HMCN1: variants seen among roughly 807,000 people sequenced by gnomAD.
HMCN1 encodes hemicentin 1.
HMCN1 carries 321 observed loss-of-function variants against 625.9 expected under a neutral mutation model. The ratio of observed to expected loss-of-function variants is 0.51; its 90% CI spans 0.47 to 0.56. HMCN1 has a LOEUF of 0.56. Among genes scored for constraint, HMCN1 ranks in the 20% least tolerant of loss-of-function variants. HMCN1 has a pLI of 0.00. For missense variants in HMCN1, 6,588 were observed against 6,887.3 expected (o/e 0.96, Z 1.54); for synonymous variants, 2,425 against 2,417.6 (o/e 1.00, Z -0.09).
intron 1 of HMCN1, among the ~76,000 whole-genome samples, chr1:185,838,797 G>C (rs1182166979): frequency 6.6e-6 from 1 of 152,164 alleles, no homozygotes; most frequent in African/African-American, 2.4e-5. Context: ...TTGTAGCTGA[G>C]ATTCCTTTCT....
intron 1 of HMCN1, among the ~76,000 whole-genome samples, chr1:185,788,552 C>G (rs1442738592): frequency 6.6e-6 from 1 of 152,118 alleles, no homozygotes; most frequent in Non-Finnish European, 1.5e-5. Context: ...AAATTAGCCC[C>G]ATAGCCTAGA....
At chr1:186,151,177 A>G (rs751093039) in intron 93 of HMCN1, 23 bp from the exon 94 acceptor site, 10 of 1,612,688 alleles carry the variant, frequency 6.2e-6, no homozygotes, top group Non-Finnish European at 8.5e-6. Flanking sequence ...CTTATCCAGG[A>G]ATGTTTTTTT....
At chr1:186,172,667 G>C (rs1045676396) in intron 102 of HMCN1, among the ~76,000 whole-genome samples, 1 of 152,110 alleles carries the variant, frequency 6.6e-6, no homozygotes, top group African/African-American at 2.4e-5. Context: ...GTATGTCTAG[G>C]CTGTACCAGC....
chr1:185,896,382 A>G (rs915442202), intron 4 of HMCN1, among the ~76,000 whole-genome samples: 4 of 149,560 alleles, frequency 2.7e-5, no homozygotes, highest in Non-Finnish European at 5.9e-5. Flanking sequence ...TATGTATAGT[A>G]TAATAAACCT....
chr1:185,948,582 A>C (rs1037003473), intron 11 of HMCN1, among the ~76,000 whole-genome samples: 2 of 151,138 alleles, frequency 1.3e-5, no homozygotes, highest in Non-Finnish European at 2.9e-5. Context: ...GGCCATTTAC[A>C]CTTCTTTTGT....
intron 55 of HMCN1, among the ~76,000 whole-genome samples, chr1:186,078,798 T>C (rs1308113935): frequency 6.6e-6 from 1 of 152,226 alleles, no homozygotes; most frequent in African/African-American, 2.4e-5. Flanking sequence ...TGATAAGGTC[T>C]AGTTCATGTG....
At position 185,975,572 on chromosome 1, in the gene HMCN1, A is replaced by G. The variant is rs1651146471; in HGVS notation, c.2372-2215A>G. ...ATTGGGGATTACGATTCAACATGAG[A>G]TTTGGGCAGGGACACAGATCCAAAC... On this transcript the variant is annotated intron_variant, in intron 15 of 106. Transcript: ENST00000271588. Among the ~76,000 whole-genome samples the G allele has an allele frequency of 1.3e-5, 2 of 152,134 alleles. 1 individual carries two copies. Among genetic ancestry groups the G allele is most frequent in the South Asian group, 4.1e-4 (2 of 4,834 alleles).
At chr1:186,061,298 C>T (rs1021547972) in intron 46 of HMCN1, among the ~76,000 whole-genome samples, 5 of 152,170 alleles carry the variant, frequency 3.3e-5, no homozygotes, top group South Asian at 4.1e-4. Flanking sequence ...CTTCACAAGG[C>T]GGCAGAAGAG....
intron 97 of HMCN1, among the ~76,000 whole-genome samples, chr1:186,160,541 T>TTCTC (rs1651386913): frequency 6.6e-6 from 1 of 151,924 alleles, no homozygotes; most frequent in African/African-American, 2.4e-5. Context: ...CTTTCCTGCT[T>TTCTC]TCTCTTGTGG....
At chr1:185,778,429 G>A (rs1656781288) in intron 1 of HMCN1, among the ~76,000 whole-genome samples, 2 of 151,008 alleles carry the variant, frequency 1.3e-5, no homozygotes, top group South Asian at 4.2e-4. Flanking sequence ...CATGCGCCAT[G>A]TTGGTGTGCT....
At chr1:185,845,996 T>C (rs777194932) in intron 1 of HMCN1, 30 bp from the exon 2 acceptor site, 1 of 1,446,490 alleles carries the variant, frequency 6.9e-7, no homozygotes, top group Admixed American at 1.7e-5. Flanking sequence ...GATTACTGTT[T>C]ATTGACCTAT....
At chr1:185,856,459 G>T (rs999423783) in intron 2 of HMCN1, among the ~76,000 whole-genome samples, 69 of 149,716 alleles carry the variant, frequency 4.6e-4, no homozygotes, top group African/African-American at 1.6e-3. Flanking sequence ...CTGCACTCCA[G>T]CCTGGGCGAC....
At chr1:185,907,269 T>C (rs1666148142) in intron 4 of HMCN1, among the ~76,000 whole-genome samples, 1 of 152,024 alleles carries the variant, frequency 6.6e-6, no homozygotes, top group South Asian at 2.1e-4. Flanking sequence ...ATTTGATTTA[T>C]GGGGCAATTA....
At chr1:185,790,972 T>A (rs1657950432) in intron 1 of HMCN1, among the ~76,000 whole-genome samples, 1 of 152,180 alleles carries the variant, frequency 6.6e-6, no homozygotes, top group South Asian at 2.1e-4. Context: ...CCTCCTATAT[T>A]ATTCTATTTA....
intron 11 of HMCN1, among the ~76,000 whole-genome samples, chr1:185,940,232 C>T (rs935513317): frequency 2.0e-5 from 3 of 152,122 alleles, no homozygotes; most frequent in Admixed American, 2.0e-4. Flanking sequence ...ATTATCTTAA[C>T]AGTAAGAGAA....
chr1:185,845,530 A>G (rs1661760614), intron 1 of HMCN1, among the ~76,000 whole-genome samples: 1 of 152,150 alleles, frequency 6.6e-6, no homozygotes, highest in Non-Finnish European at 1.5e-5. Flanking sequence ...CACATCTCTA[A>G]ATTCTTAAAA....
chr1:185,796,992 T>A (rs1658432170), intron 1 of HMCN1, among the ~76,000 whole-genome samples: 1 of 152,208 alleles, frequency 6.6e-6, no homozygotes, highest in Non-Finnish European at 1.5e-5. Context: ...TTTCTCTGCA[T>A]CCTCGACAAC....
rs750158195 is a variant in HMCN1 at position 186,151,189 on chromosome 1, T to C, written c.14609-11T>C. ...ATCCTTATCCAGGAATGTTTTTTTT[T>C]CCCCCAATAGGTGGGCCCCAGCGAG... On this transcript the variant is annotated splice_polypyrimidine_tract_variant and intron_variant, in intron 93 of 106. Transcript: ENST00000271588. The C allele has an allele frequency of 1.4e-5, 23 of 1,613,296 alleles. No individual in the cohort carries two copies. Among genetic ancestry groups the C allele is most frequent in the Middle Eastern group, 3.3e-4 (2 of 6,062 alleles).
intron 85 of HMCN1, among the ~76,000 whole-genome samples, chr1:186,130,973 A>G (rs1343730514): frequency 6.6e-6 from 1 of 152,176 alleles, no homozygotes; most frequent in Non-Finnish European, 1.5e-5. Flanking sequence ...TAGGACAAGG[A>G]AATTGAAGAA....
Sources: allele counts gnomAD v4.1 joint callset (sites outside exome capture counted in the v4.1 genomes callset), GRCh38; gene constraint gnomAD v4.1.1; transcripts MANE v1.5; gene names NCBI Gene and HGNC (gene_info 2026-07-23, HGNC 2026-07-21).